SORCS3: variants seen among roughly 807,000 people sequenced by gnomAD.
SORCS3 encodes the protein VPS10 domain-containing receptor SorCS3.
Under a neutral mutation model 146.3 loss-of-function variants are expected in SORCS3, and 57 were observed. The ratio of observed to expected loss-of-function variants is 0.39; its 90% CI spans 0.31 to 0.49. The LOEUF is 0.49. Among genes scored for constraint, SORCS3 ranks in the 20% least tolerant of loss-of-function variants. The pLI is 0.92. For synonymous variants in SORCS3, 653 were observed against 618.5 expected (o/e 1.06, Z -0.83); for missense variants, 1,341 against 1,575.5 (o/e 0.85, Z 2.52).
rs200565831 is a variant in SORCS3 at position 105,040,520 on chromosome 10, G to A, written c.955-2535G>A. On this transcript the variant is annotated intron_variant, in intron 4 of 26. Coordinates refer to ENST00000369701, the MANE Select transcript of SORCS3 (RefSeq NM_014978.3). ...GGTCTCATTGTTTAATTTCTACCCC[G>A]GTTAATCTTTCCCATCTGTCAACCT... 1.6e-4 allele frequency among the ~76,000 whole-genome samples: 24 copies of A among 152,046 alleles called. No homozygotes were observed. In the East Asian group the frequency reaches 2.7e-3, roughly 17 times the overall value.
chr10:105,228,750 A>T (rs1386873482), intron 20 of SORCS3, among the ~76,000 whole-genome samples: 1 of 152,076 alleles, frequency 6.6e-6, no homozygotes, highest in Non-Finnish European at 1.5e-5. Context: ...AAGTCACTAG[A>T]TGTTTTCCTT....
At chr10:105,259,781 T>C (rs1009328462) in intron 25 of SORCS3, among the ~76,000 whole-genome samples, 1 of 152,178 alleles carries the variant, frequency 6.6e-6, no homozygotes, top group Non-Finnish European at 1.5e-5. Context: ...TTCTCTAAAT[T>C]TCCTCCTACA....
At chr10:105,257,904 C>T (rs1420718368) in intron 25 of SORCS3, among the ~76,000 whole-genome samples, 6 of 152,114 alleles carry the variant, frequency 3.9e-5, no homozygotes, top group Non-Finnish European at 1.5e-5. Flanking sequence ...TAGAAATGTG[C>T]TCCCTGGGAA....
At chr10:105,146,654 C>T (rs2056133233) in intron 8 of SORCS3, among the ~76,000 whole-genome samples, 1 of 152,030 alleles carries the variant, frequency 6.6e-6, no homozygotes, top group South Asian at 2.1e-4. Flanking sequence ...GGAAACCATC[C>T]ATTATGTTGG....
In SORCS3 at chr10:104,807,396, T is replaced by C. The variant is rs775991697; in HGVS notation, c.628-35396T>C. On this transcript the variant is annotated intron_variant, in intron 1 of 26. Coordinates refer to ENST00000369701, the MANE Select transcript of SORCS3 (RefSeq NM_014978.3). ...AGTGGAAATTTTTATGTGAATACAT[T>C]ATATATTTCTTTGGAGAGAGTATCT... Among the ~76,000 whole-genome samples, 28 of 152,210 alleles carry C rather than the reference T, an allele frequency of 1.8e-4. 1 individual carries two copies. The highest frequency in any genetic ancestry group is 4.0e-4 in the Non-Finnish European group (27 of 68,034).
rs1245619230 is a variant in SORCS3, at chr10:104,736,697, CCTTTT to C, written c.627+94755_627+94759del. Among the ~76,000 whole-genome samples, 6 of 151,628 alleles carry C rather than the reference CCTTTT, an allele frequency of 4.0e-5. No homozygotes were observed. In the East Asian group the frequency reaches 5.8e-4, roughly 15 times the overall value. On this transcript the variant is annotated intron_variant, in intron 1 of 26. Transcript: ENST00000369701. ...TTCCTTTATATTCTCAGCAGGTGAA[CCTTTT>C]CTTTTCTTTTCAAAATACTTCAATC...
rs558056720 is a variant in SORCS3 at position 104,999,704 on chromosome 10, C to A, written c.954+22211C>A. 3.3e-5 allele frequency among the ~76,000 whole-genome samples: 5 copies of A among 152,286 alleles called. No homozygotes were observed. The East Asian group carries it at 9.6e-4, about 29-fold the overall frequency. ...GCAGAAGGGTTTATTCCCCAGGAGG[C>A]CACCCTTGGCCATTCAGACACATAC... is the stretch of plus-strand genomic sequence containing the variant. On this transcript the variant is annotated intron_variant, in intron 4 of 26. Coordinates refer to ENST00000369701, the MANE Select transcript of SORCS3 (RefSeq NM_014978.3).
chr10:105,161,972 A>G (rs1232445714), intron 11 of SORCS3, among the ~76,000 whole-genome samples: 1 of 151,396 alleles, frequency 6.6e-6, no homozygotes, highest in African/African-American at 2.4e-5. Context: ...ACACCCTCCT[A>G]TTGTTCTTTC....
chr10:104,974,191 T>G (rs1282628037), intron 3 of SORCS3, among the ~76,000 whole-genome samples: 1 of 152,174 alleles, frequency 6.6e-6, no homozygotes, highest in Non-Finnish European at 1.5e-5. Context: ...GGTGGAGAGT[T>G]CTGTAGATGT....
chr10:105,088,442 C>T (rs576417041), intron 5 of SORCS3, among the ~76,000 whole-genome samples: 4 of 152,080 alleles, frequency 2.6e-5, no homozygotes, highest in South Asian at 2.1e-4. Flanking sequence ...TAAATTTCGA[C>T]CTTTCAAGAA....
chr10:104,998,551 T>G (rs2055040523), intron 4 of SORCS3, among the ~76,000 whole-genome samples: 1 of 152,160 alleles, frequency 6.6e-6, no homozygotes, highest in South Asian at 2.1e-4. Flanking sequence ...GGGCAGTTAT[T>G]TTTTTGTATC....
chr10:105,118,825 AG>A (rs1220132612), intron 7 of SORCS3, among the ~76,000 whole-genome samples: 3 of 152,312 alleles, frequency 2.0e-5, no homozygotes, highest in Admixed American at 1.3e-4. Flanking sequence ...ATCTGGTGGA[AG>A]GAACTTCTAA....
At chr10:104,905,536 C>T (rs1017411223) in intron 2 of SORCS3, among the ~76,000 whole-genome samples, 3 of 152,148 alleles carry the variant, frequency 2.0e-5, no homozygotes, top group Admixed American at 6.5e-5. Flanking sequence ...GACATATTTT[C>T]TCAGTTTGAG....
intron 4 of SORCS3, among the ~76,000 whole-genome samples, chr10:105,014,772 G>T (rs563754510): frequency 2.9e-4 from 44 of 152,144 alleles, no homozygotes; most frequent in Non-Finnish European, 5.6e-4. Flanking sequence ...GGTCATGAAT[G>T]TGATTAACAC....
chr10:104,802,856 A>C (rs996130309), intron 1 of SORCS3, among the ~76,000 whole-genome samples: 1 of 152,198 alleles, frequency 6.6e-6, no homozygotes, highest in Non-Finnish European at 1.5e-5. Flanking sequence ...GGCCCTGATT[A>C]GTTTGGAGCA....
chr10:104,651,527 C>A (rs1352845808), intron 1 of SORCS3, among the ~76,000 whole-genome samples: 1 of 113,754 alleles, frequency 8.8e-6, no homozygotes, highest in Non-Finnish European at 1.7e-5. Flanking sequence ...AACCTCCGGG[C>A]TCTACTAAAA....
At chr10:104,948,782 G>T (rs1269184477) in intron 3 of SORCS3, among the ~76,000 whole-genome samples, 1 of 152,152 alleles carries the variant, frequency 6.6e-6, no homozygotes, top group African/African-American at 2.4e-5. Context: ...TCCACATCCA[G>T]GATGCCCTTT....
intron 6 of SORCS3, among the ~76,000 whole-genome samples, chr10:105,103,726 C>G (rs532053408): frequency 1.3e-5 from 2 of 152,152 alleles, no homozygotes; most frequent in African/African-American, 4.8e-5. Flanking sequence ...AATACTAGAC[C>G]TAGTCAGATT....
chr10:104,909,555 AGAGGAGAAGAAAT>A (rs1160063000), intron 2 of SORCS3, among the ~76,000 whole-genome samples: 1 of 152,136 alleles, frequency 6.6e-6, no homozygotes, highest in Non-Finnish European at 1.5e-5. Context: ...AGGGGCAAGA[AGAGGAGAAGAAAT>A]GAGGAGAGGA....
Sources: gnomAD v4.1 joint callset for allele counts (sites outside exome capture counted in the v4.1 genomes callset) on GRCh38, gnomAD v4.1.1 for gene constraint, MANE v1.5 for transcripts, NCBI Gene and HGNC (gene_info 2026-07-23, HGNC 2026-07-21) for gene names.